SEC23B: variants seen among roughly 807,000 people sequenced by gnomAD.
The protein encoded by SEC23B is protein transport protein Sec23B.
SEC23B carries 77 observed loss-of-function variants against 104.3 expected under a neutral mutation model. That is an observed-to-expected ratio of 0.74 (90% CI 0.61 to 0.89). The LOEUF (loss-of-function observed/expected upper bound fraction) is 0.89. SEC23B is among the 40% of genes least tolerant of loss of function. The probability of loss-of-function intolerance (pLI) is 0.00; values close to 1 mark genes in which losing one functional copy is unlikely to be tolerated. For synonymous variants in SEC23B, 338 were observed against 332.5 expected (o/e 1.02, Z -0.18); for missense variants, 885 against 949.4 (o/e 0.93, Z 0.89).
At chr20:18,514,787 C>A (rs1262780402) in intron 3 of SEC23B, among the ~76,000 whole-genome samples, 1 of 152,198 alleles carries the variant, frequency 6.6e-6, no homozygotes, top group African/African-American at 2.4e-5. Flanking sequence ...AGGAGGTTGA[C>A]AGTAGCTGCT....
At chr20:18,551,036 C>T in intron 16 of SEC23B, 53 bp from the exon 17 acceptor site, 1 of 1,138,746 alleles carries the variant, frequency 8.8e-7, no homozygotes, top group Non-Finnish European at 1.3e-6. Context: ...GAAGTGGTTG[C>T]TGTGTGGGGA....
chr20:18,557,307 GT>G (rs1227318391), intron 19 of SEC23B, among the ~76,000 whole-genome samples: 1 of 151,908 alleles, frequency 6.6e-6, no homozygotes, highest in Non-Finnish European at 1.5e-5. Context: ...AGTGCCCTAG[GT>G]TTTTTTATTT....
At chr20:18,544,766 A>G (rs892891936) in intron 14 of SEC23B, among the ~76,000 whole-genome samples, 1 of 152,238 alleles carries the variant, frequency 6.6e-6, no homozygotes, top group East Asian at 1.9e-4. Flanking sequence ...AGGATTTTTC[A>G]GGCTCAATGG....
At position 18,535,726 on chromosome 20, in the gene SEC23B, TTG is replaced by T. The variant is rs866427167; in HGVS notation, c.1389_1390del (p.Phe463LeufsTer57). ...CCTACATCTACACTTGGCATCTATT[TTG>T]AAGTTGTCAATCAGGTGAGTTGGAT... On this transcript the variant is annotated frameshift_variant, in exon 12 of 20. Coordinates refer to ENST00000650089, the MANE Select transcript of SEC23B (RefSeq NM_006363.6). LOFTEE classifies it high-confidence loss of function. 6.8e-6 allele frequency: 11 copies of T among 1,613,726 alleles called. No individual in the cohort carries two copies. The highest frequency in any genetic ancestry group is 2.7e-5 in the African/African-American group (2 of 74,940).
chr20:18,513,147 G>C (rs1863726515), intron 3 of SEC23B, among the ~76,000 whole-genome samples: 1 of 152,064 alleles, frequency 6.6e-6, no homozygotes, highest in African/African-American at 2.4e-5. Flanking sequence ...TTGAGCCATT[G>C]CACTCCAGCC....
chr20:18,530,467 G>A (rs190201389), intron 9 of SEC23B, among the ~76,000 whole-genome samples: 42 of 152,126 alleles, frequency 2.8e-4, no homozygotes, highest in Admixed American at 1.4e-3. Context: ...ACTCCTGACC[G>A]CAAGTGATCC....
At chr20:18,554,957 T>G in intron 18 of SEC23B, 151 bp from the exon 19 acceptor site, 1 of 87,016 alleles carries the variant, frequency 1.1e-5, no homozygotes, top group South Asian at 1.3e-4. Context: ...TAGATTACTG[T>G]GCAGTAAAAC....
At chr20:18,511,403 G>C (rs1388454264) in intron 2 of SEC23B, among the ~76,000 whole-genome samples, 1 of 152,106 alleles carries the variant, frequency 6.6e-6, no homozygotes, top group East Asian at 1.9e-4. Flanking sequence ...GAATTCGAAA[G>C]CTTAGACCGT....
In SEC23B at chr20:18,554,961, GT is replaced by G; in HGVS notation, c.2149-146del. 18 of 124,098 alleles carry G rather than the reference GT, an allele frequency of 1.5e-4. 4 individuals are homozygous for G. The highest frequency in any genetic ancestry group is 3.7e-4 in the African/African-American group (6 of 16,168). The allele number at this position is 124,098 out of a possible 1,614,324, so 7.7% of individuals were successfully genotyped here. A position where few individuals can be genotyped will look rare whatever the true frequency, so the allele number is the denominator to read the frequency against. The stretch of plus-strand genomic sequence containing the variant: ...AGCTAAAGAAATAGATTACTGTGCA[GT>G]AAAACAATTCTAATTAGATTACTGT... On this transcript the variant is annotated intron_variant, in intron 18 of 19. Coordinates refer to ENST00000650089, the MANE Select transcript of SEC23B (RefSeq NM_006363.6).
chr20:18,535,787 T>A (rs1358550282), intron 12 of SEC23B, 45 bp downstream of exon 12: 2 of 1,450,424 alleles, frequency 1.4e-6, no homozygotes, highest in Non-Finnish European at 1.9e-6. Context: ...AGTGTCCTGT[T>A]TTGTGATTTA....
intron 4 of SEC23B, among the ~76,000 whole-genome samples, chr20:18,523,713 T>C (rs1418384463): frequency 6.6e-6 from 1 of 151,666 alleles, no homozygotes; most frequent in Non-Finnish European, 1.5e-5. Flanking sequence ...TTTTTCTTTT[T>C]TTTTTTTTTA....
At chr20:18,542,211 G>A (rs917779691) in intron 12 of SEC23B, 85 bp from the exon 13 acceptor site, 109 of 1,143,196 alleles carry the variant, frequency 9.5e-5, no homozygotes, top group Non-Finnish European at 1.4e-4. Flanking sequence ...TGCTGTGTCA[G>A]TCATTTTAGA....
Position 18,525,912 on chromosome 20 carries a change from A to C in SEC23B, c.814A>C (p.Ile272Leu). Residue 272 changes from isoleucine to leucine, a missense_variant, in exon 7 of 20, where the codon ATT (isoleucine) becomes CTT (leucine). Coordinates refer to ENST00000650089, the MANE Select transcript of SEC23B (RefSeq NM_006363.6). ...GCGATCCACTGGTGTGGCTTTGTCC[A>C]TTGCTGTTGGCTTGCTGGAGGTAAT... ...PLRSTGVALS[I>L]AVGLLEGTFP... 6.2e-7 allele frequency: 1 copy of C among 1,614,236 alleles called. No individual in the cohort carries two copies.
intron 11 of SEC23B, among the ~76,000 whole-genome samples, chr20:18,535,215 T>C: frequency 1.7e-5 from 2 of 118,918 alleles, no homozygotes; most frequent in South Asian, 3.2e-4. Context: ...CACACACACG[T>C]AGTATATGTG....
intron 10 of SEC23B, among the ~76,000 whole-genome samples, chr20:18,531,236 A>T (rs1600249316): frequency 6.6e-6 from 1 of 152,228 alleles, no homozygotes; most frequent in Non-Finnish European, 1.5e-5. Flanking sequence ...TATGAGCAGC[A>T]CTGTGGCCTG....
At chr20:18,521,952 G>A (rs1338578647) in intron 4 of SEC23B, among the ~76,000 whole-genome samples, 1 of 152,110 alleles carries the variant, frequency 6.6e-6, no homozygotes, top group Non-Finnish European at 1.5e-5. Context: ...CCGTTTTCTG[G>A]CCATTTAGAA....
chr20:18,516,885 T>G, intron 4 of SEC23B, among the ~76,000 whole-genome samples: 1 of 152,044 alleles, frequency 6.6e-6, no homozygotes. Context: ...CCTTTGAGAT[T>G]CCGTATAATT....
In SEC23B at chr20:18,530,888, C is replaced by T. The variant is rs1198413200; in HGVS notation, c.1233+85C>T. 1.2e-5 allele frequency: 13 copies of T among 1,114,098 alleles called. No homozygotes were observed. In the East Asian group the frequency reaches 1.5e-4, roughly 13 times the overall value. 69.0% of individuals were successfully genotyped at this position (1,114,098 alleles called of 1,614,324 possible). On this transcript the variant is annotated intron_variant, in intron 10 of 19. Coordinates refer to ENST00000650089, the MANE Select transcript of SEC23B (RefSeq NM_006363.6). The stretch of plus-strand genomic sequence containing the variant: ...AACTCCTGGTCTCAGGCAATTTTCC[C>T]GCCTCAGCGTCCTAAAGTGCTGGGA...
intron 5 of SEC23B, 125 bp downstream of exon 5, chr20:18,524,794 G>GCCATTGGC: frequency 8.3e-7 from 1 of 1,203,462 alleles, no homozygotes; most frequent in South Asian, 1.2e-5. Flanking sequence ...AATGGCTCAA[G>GCCATTGGC]CCATTGGCCC....
Sources: gnomAD v4.1 joint callset for allele counts (sites outside exome capture counted in the v4.1 genomes callset) on GRCh38, gnomAD v4.1.1 for gene constraint, MANE v1.5 for transcripts, NCBI Gene and HGNC (gene_info 2026-07-23, HGNC 2026-07-21) for gene names.